The following EIF3B variants were observed in gnomAD, a reference collection of about 807,000 sequenced individuals.
EIF3B encodes eukaryotic translation initiation factor 3 subunit 9.
A neutral mutation model predicts 104.6 loss-of-function variants in EIF3B; 10 were observed. The observed-to-expected ratio is 0.10, with a 90% CI of 0.06 to 0.16. The LOEUF is 0.16. Ranked by LOEUF, EIF3B falls within the 10% of genes least tolerant of loss-of-function variation. The probability of loss-of-function intolerance (pLI) is 1.00; values close to 1 mark genes in which losing one functional copy is unlikely to be tolerated. For synonymous variants in EIF3B, 542 were observed against 417.2 expected (o/e 1.30, Z -3.65); for missense variants, 1,014 against 1,087.9 (o/e 0.93, Z 0.96).
chr7:2,369,980 T>A (rs1218507575), intron 10 of EIF3B, among the ~76,000 whole-genome samples: 1 of 151,884 alleles, frequency 6.6e-6, no homozygotes, highest in Non-Finnish European at 1.5e-5. Flanking sequence ...TTTCACCATG[T>A]TGGCCAGGCT....
intron 10 of EIF3B, 53 bp downstream of exon 10, chr7:2,369,735 GC>G: frequency 7.0e-7 from 1 of 1,431,274 alleles, no homozygotes; most frequent in Non-Finnish European, 9.8e-7. Flanking sequence ...CTCTGAAGTG[GC>G]CACCGTATTG....
At chr7:2,356,081 G>T (rs1265231921) in intron 1 of EIF3B, among the ~76,000 whole-genome samples, 1 of 152,168 alleles carries the variant, frequency 6.6e-6, no homozygotes, top group African/African-American at 2.4e-5. Context: ...TTTGCTTCCT[G>T]TCTCAGAGAT....
intron 6 of EIF3B, among the ~76,000 whole-genome samples, chr7:2,365,880 C>T (rs1239862818): frequency 6.6e-6 from 1 of 151,882 alleles, no homozygotes; most frequent in African/African-American, 2.4e-5. Flanking sequence ...CTCACCATGT[C>T]GGCCATGGTT....
At chr7:2,355,965 C>T (rs186105429) in intron 1 of EIF3B, among the ~76,000 whole-genome samples, 110 of 152,192 alleles carry the variant, frequency 7.2e-4, no homozygotes, top group Admixed American at 5.0e-3. Flanking sequence ...TTTTCTTTAT[C>T]TCTTGCGCTA....
At chr7:2,370,924 G>C (rs148838349) in intron 10 of EIF3B, among the ~76,000 whole-genome samples, 83 of 152,246 alleles carry the variant, frequency 5.5e-4, no homozygotes, top group African/African-American at 1.9e-3. Flanking sequence ...TTAGCCAGGC[G>C]TGGTGGCGGG....
chr7:2,356,373 G>T (rs1779438574), intron 1 of EIF3B, among the ~76,000 whole-genome samples: 1 of 151,740 alleles, frequency 6.6e-6, no homozygotes, highest in Non-Finnish European at 1.5e-5. Context: ...AGCACTTTGG[G>T]AGGCCGAGAC....
chr7:2,374,073 T>A (rs577928851), intron 12 of EIF3B: 1 of 154,020 alleles, frequency 6.5e-6, no homozygotes, highest in South Asian at 2.0e-4. Flanking sequence ...CCAGCGGCTC[T>A]GCCCGAGATC....
upstream of EIF3B, chr7:2,354,822 C>A: frequency 2.9e-6 from 3 of 1,017,574 alleles, no homozygotes; most frequent in Non-Finnish European, 3.5e-6. Flanking sequence ...CCCCGTCGCA[C>A]GCACATGGCT....
chr7:2,363,556 C>CT, intron 4 of EIF3B, 76 bp from the exon 5 acceptor site: 1 of 1,374,142 alleles, frequency 7.3e-7, no homozygotes, highest in Non-Finnish European at 1.0e-6. Context: ...CTTGTCATAT[C>CT]TTTAAGAGCA....
Position 2,380,474 on chromosome 7 carries a change from G to T in EIF3B, c.*285G>T. 1 of 501,954 alleles carries T rather than the reference G, an allele frequency of 2.0e-6. No homozygotes were observed. 31.1% of individuals were successfully genotyped at this position (501,954 alleles called of 1,614,324 possible). A position where few individuals can be genotyped will look rare whatever the true frequency, so the allele number is the denominator to read the frequency against. On this transcript the variant is annotated 3_prime_UTR_variant, in exon 19 of 19. Transcript: ENST00000360876. ...CGCTTCCACTTCTTTCTTGTTTGGA[G>T]TTTTCTGTTGGAACCGCCGGCGTTG...
At chr7:2,368,054 G>C (rs143912087) in intron 9 of EIF3B, among the ~76,000 whole-genome samples, 2,458 of 151,192 alleles carry the variant, frequency 0.016, 73 homozygotes, top group African/African-American at 0.056. Context: ...TGTTGGCCAT[G>C]CTGGTCTCAG....
intron 11 of EIF3B, 52 bp downstream of exon 11, chr7:2,371,901 A>G (rs773458321): frequency 4.8e-6 from 7 of 1,451,920 alleles, no homozygotes; most frequent in Non-Finnish European, 6.8e-6. Flanking sequence ...GTGCTGTTTT[A>G]CTCTTGGCTT....
intron 1 of EIF3B, among the ~76,000 whole-genome samples, chr7:2,356,470 C>A (rs924270919): frequency 7.2e-5 from 11 of 151,836 alleles, no homozygotes; most frequent in African/African-American, 2.4e-4. Context: ...GGCGTGGTGG[C>A]GGGCACCTGG....
At chr7:2,374,657 T>G in intron 13 of EIF3B, 51 bp downstream of exon 13, 2 of 1,532,712 alleles carry the variant, frequency 1.3e-6, no homozygotes, top group Non-Finnish European at 1.8e-6. Context: ...CGCTCTGCTG[T>G]GGCAGAGACC....
At chr7:2,359,366 T>C (rs942229255) in intron 1 of EIF3B, among the ~76,000 whole-genome samples, 11 of 151,994 alleles carry the variant, frequency 7.2e-5, no homozygotes, top group African/African-American at 2.7e-4. Context: ...GGGCTGAAAG[T>C]TGAGTTGATC....
intron 9 of EIF3B, 60 bp from the exon 10 acceptor site, chr7:2,369,409 TCTG>T (rs1780201554): frequency 6.5e-6 from 10 of 1,550,004 alleles, no homozygotes; most frequent in Non-Finnish European, 8.9e-6. Context: ...TCTATTCTCT[TCTG>T]CTTTTCAGTT....
intron 6 of EIF3B, among the ~76,000 whole-genome samples, chr7:2,364,952 G>A (rs539211178): frequency 2.0e-5 from 3 of 152,198 alleles, no homozygotes; most frequent in Non-Finnish European, 4.4e-5. Flanking sequence ...CTAAGGTCAC[G>A]TATTTTACAG....
chr7:2,366,200 TG>T, intron 6 of EIF3B, 116 bp from the exon 7 acceptor site: 2 of 1,104,802 alleles, frequency 1.8e-6, no homozygotes, highest in Non-Finnish European at 2.6e-6. Context: ...CCGGGCAGTG[TG>T]GGGTTTGGGG....
At position 2,355,446 on chromosome 7, in the gene EIF3B, C is replaced by G. The variant is rs376604993; in HGVS notation, c.499+26C>G. 2.1e-4 allele frequency: 300 copies of G among 1,419,482 alleles called. 1 individual carries two copies. The African/African-American group carries it at 3.9e-3, about 18-fold the overall frequency. 87.9% of individuals were successfully genotyped at this position (1,419,482 alleles called of 1,614,324 possible). ...GTGAGGGCGCCCGGGGCGGGGCTGG[C>G]GAGCGGCGCGGGAGCGTGGCTGGGG... On this transcript the variant is annotated intron_variant, in intron 1 of 18. Transcript: ENST00000360876.
Sources: allele counts gnomAD v4.1 joint callset (sites outside exome capture counted in the v4.1 genomes callset), GRCh38; gene constraint gnomAD v4.1.1; transcripts MANE v1.5; gene names NCBI Gene and HGNC (gene_info 2026-07-23, HGNC 2026-07-21).